Variants in GPC5 observed in about 807,000 individuals in gnomAD.
The protein encoded by GPC5 is glypican-5.
Under a neutral mutation model 53.9 loss-of-function variants are expected in GPC5, and 47 were observed. That is an observed-to-expected ratio of 0.87 (90% CI 0.69 to 1.11). GPC5 has a LOEUF of 1.11. Among genes scored for constraint, GPC5 ranks in the 50% most tolerant of loss-of-function variants. The pLI is 0.00. For missense variants in GPC5, 748 were observed against 713.1 expected, an observed-to-expected ratio of 1.05 and a Z score of -0.56; for synonymous variants, 286 against 263.3, an observed-to-expected ratio of 1.09 and a Z score of -0.84.
chr13:91,979,807 C>T (rs763887745), intron 6 of GPC5, among the ~76,000 whole-genome samples: 1 of 121,530 alleles, frequency 8.2e-6, no homozygotes, highest in Non-Finnish European at 2.0e-5. Flanking sequence ...GCAGCAACAG[C>T]ACTTATTATC....
intron 7 of GPC5, among the ~76,000 whole-genome samples, chr13:92,714,195 GTTA>G (rs1888250102): frequency 6.6e-6 from 1 of 152,160 alleles, no homozygotes; most frequent in Admixed American, 6.5e-5. Flanking sequence ...AACTTCCTGT[GTTA>G]TTATGTTACA....
chr13:91,460,787 G>GA (rs966293758), intron 2 of GPC5, among the ~76,000 whole-genome samples: 1 of 151,538 alleles, frequency 6.6e-6, no homozygotes, highest in African/African-American at 2.4e-5. Flanking sequence ...AGGCTTGGGG[G>GA]AATATCAGAT....
Position 92,498,828 on chromosome 13 carries a change from C to T in GPC5, c.1561+353839C>T, listed in dbSNP as rs118118238. On this transcript the variant is annotated intron_variant, in intron 7 of 7. Coordinates refer to ENST00000377067, the MANE Select transcript of GPC5 (RefSeq NM_004466.6). Reference sequence around the variant, plus strand: ...GGCATGTCATCCTTGGGCAAATTCTCGTTCGCATATTATCCGGCATAGATA... The same window carrying T: ...GGCATGTCATCCTTGGGCAAATTCTTGTTCGCATATTATCCGGCATAGATA... Among the ~76,000 whole-genome samples the T allele has an allele frequency of 1.2e-3, 176 of 152,200 alleles. 4 individuals are homozygous for T. In the East Asian group the frequency reaches 0.018, roughly 16 times the overall value.
At chr13:92,494,101 T>TTTTG (rs71772465) in intron 7 of GPC5, among the ~76,000 whole-genome samples, 10,344 of 62,404 alleles carry the variant, frequency 0.17, 380 homozygotes, top group Middle Eastern at 0.24. Context: ...TTTTGTTTTG[T>TTTTG]TTTTTTGAGA....
intron 1 of GPC5, among the ~76,000 whole-genome samples, chr13:91,410,548 G>A (rs1021778483): frequency 1.2e-3 from 187 of 151,378 alleles, no homozygotes; most frequent in African/African-American, 3.9e-3. Flanking sequence ...GGGTTTCACT[G>A]TGTTAGCCAG....
intron 7 of GPC5, among the ~76,000 whole-genome samples, chr13:92,218,762 C>G (rs902149961): frequency 2.6e-5 from 4 of 152,134 alleles, no homozygotes; most frequent in Non-Finnish European, 4.4e-5. Context: ...TCACAGATAA[C>G]GGCTGAAGCC....
chr13:91,675,623 T>C (rs1160346909), intron 2 of GPC5, among the ~76,000 whole-genome samples: 5 of 152,218 alleles, frequency 3.3e-5, no homozygotes, highest in Non-Finnish European at 5.9e-5. Context: ...TATGAAATAG[T>C]AGATTGTACA....
intron 4 of GPC5, among the ~76,000 whole-genome samples, chr13:91,737,864 T>C (rs2036847832): frequency 6.6e-6 from 1 of 151,436 alleles, no homozygotes; most frequent in South Asian, 2.1e-4. Flanking sequence ...TGAAATTCTT[T>C]AGCTGGAGTA....
intron 3 of GPC5, among the ~76,000 whole-genome samples, chr13:91,722,978 A>G (rs1367221041): frequency 6.6e-6 from 1 of 152,164 alleles, no homozygotes; most frequent in Non-Finnish European, 1.5e-5. Flanking sequence ...ATAACTTCCT[A>G]TAAATATTCC....
At chr13:91,821,691 CGT>C (rs1326550697) in intron 5 of GPC5, among the ~76,000 whole-genome samples, 2 of 152,002 alleles carry the variant, frequency 1.3e-5, no homozygotes, top group Non-Finnish European at 2.9e-5. Flanking sequence ...TATTGGAAGA[CGT>C]AATGTGATTT....
At chr13:92,372,105 G>A (rs1162578994) in intron 7 of GPC5, among the ~76,000 whole-genome samples, 3 of 152,142 alleles carry the variant, frequency 2.0e-5, no homozygotes, top group African/African-American at 7.2e-5. Context: ...GTTCTCCAGA[G>A]AGGAACACAG....
chr13:91,713,965 C>T lies in GPC5; in HGVS notation c.1021-14567C>T, dbSNP rs563692524. 1.1e-4 allele frequency among the ~76,000 whole-genome samples: 17 copies of T among 152,260 alleles called. No homozygotes were observed. The South Asian group carries it at 2.7e-3, about 24-fold the overall frequency. On this transcript the variant is annotated intron_variant, in intron 3 of 7. Transcript: ENST00000377067. The stretch of plus-strand genomic sequence containing the variant: ...CAGTCTCCCTCTCTCCTCCACTGCC[C>T]TATCCCATCCCATTCCATCACCAGA...
chr13:91,533,568 A>T (rs1886451703), intron 2 of GPC5, among the ~76,000 whole-genome samples: 1 of 152,160 alleles, frequency 6.6e-6, no homozygotes, highest in African/African-American at 2.4e-5. Context: ...AACAGCACTG[A>T]AATGCTACAC....
chr13:92,276,433 A>G (rs1317765572), intron 7 of GPC5, among the ~76,000 whole-genome samples: 1 of 152,048 alleles, frequency 6.6e-6, no homozygotes, highest in Non-Finnish European at 1.5e-5. Flanking sequence ...GTATTCTTTG[A>G]CGAGACTATT....
intron 6 of GPC5, among the ~76,000 whole-genome samples, chr13:92,140,176 T>C (rs899929378): frequency 2.0e-5 from 3 of 152,006 alleles, no homozygotes; most frequent in Non-Finnish European, 4.4e-5. Context: ...AAAACAGCAG[T>C]TGGAAGTGAG....
Position 91,784,631 on chromosome 13 carries a change from C to T in GPC5, c.1280+28211C>T, listed in dbSNP as rs577191039. On this transcript the variant is annotated intron_variant, in intron 5 of 7. Coordinates refer to ENST00000377067, the MANE Select transcript of GPC5 (RefSeq NM_004466.6). Reference sequence around the variant, plus strand: ...CCCAGCTACTTGGGAGGCTGAGGCACGAGAATCGCTTGAACCTGGGAAGTG... The same window carrying T: ...CCCAGCTACTTGGGAGGCTGAGGCATGAGAATCGCTTGAACCTGGGAAGTG... 6.0e-5 allele frequency among the ~76,000 whole-genome samples: 9 copies of T among 150,968 alleles called. No individual in the cohort carries two copies. In the South Asian group the frequency reaches 1.3e-3, roughly 21 times the overall value.
At chr13:92,776,269 CCTCT>C (rs1024514745) in intron 7 of GPC5, among the ~76,000 whole-genome samples, 6 of 152,206 alleles carry the variant, frequency 3.9e-5, no homozygotes, top group Non-Finnish European at 5.9e-5. Context: ...TCTCTTCCTC[CCTCT>C]GTCTCCTTTC....
At chr13:91,942,476 T>A (rs114078565) in intron 6 of GPC5, among the ~76,000 whole-genome samples, 243 of 152,206 alleles carry the variant, frequency 1.6e-3, no homozygotes, top group African/African-American at 5.7e-3. Flanking sequence ...TAGTCTCAAC[T>A]TCTAACTCAT....
chr13:91,954,123 T>C (rs915061879), intron 6 of GPC5, among the ~76,000 whole-genome samples: 4 of 152,144 alleles, frequency 2.6e-5, no homozygotes, highest in Admixed American at 1.3e-4. Flanking sequence ...AAGATACAAT[T>C]CCATAAGGCT....
Sources: gnomAD v4.1 joint callset for allele counts (sites outside exome capture counted in the v4.1 genomes callset) on GRCh38, gnomAD v4.1.1 for gene constraint, MANE v1.5 for transcripts, NCBI Gene and HGNC (gene_info 2026-07-23, HGNC 2026-07-21) for gene names.